The following GRIK2 variants were observed in gnomAD, a reference collection of about 807,000 sequenced individuals.
GRIK2 encodes the protein glutamate receptor ionotropic, kainate 2.
GRIK2 carries 32 observed loss-of-function variants against 100.3 expected under a neutral mutation model. The observed-to-expected ratio is 0.32, with a 90% CI of 0.24 to 0.43. The LOEUF (loss-of-function observed/expected upper bound fraction) is 0.43, where lower values mean the gene tolerates loss of function less well. GRIK2 is among the 20% of genes least tolerant of loss of function. The pLI is 1.00. For synonymous variants in GRIK2, 417 were observed against 389.4 expected (o/e 1.07, Z -0.83); for missense variants, 843 against 1,114.9 (o/e 0.76, Z 3.47).
In GRIK2 at chr6:101,826,777, T is replaced by C. The variant is rs117101216; in HGVS notation, c.1317+8294T>C. ...AACCAACTGAAGGAATTTAATAGCA[T>C]ACCATTTAAAAAAAATGACGTTTTT... On this transcript the variant is annotated intron_variant, in intron 10 of 16. Transcript: ENST00000369134. 7.7e-3 allele frequency among the ~76,000 whole-genome samples: 1,165 copies of C among 151,528 alleles called. 7 individuals are homozygous for C. Among genetic ancestry groups the C allele is most frequent in the Non-Finnish European group, 9.7e-3 (659 of 67,670 alleles).
At chr6:101,450,582 A>C (rs1770619222) in intron 2 of GRIK2, among the ~76,000 whole-genome samples, 1 of 151,612 alleles carries the variant, frequency 6.6e-6, no homozygotes, top group African/African-American at 2.4e-5. Flanking sequence ...GAGAACATGT[A>C]TTTTGCAAGT....
rs1772127344 is a variant in GRIK2 at position 102,068,483 on chromosome 6, G to A, written c.2699G>A (p.Arg900Lys). ...VINMHTFNDRRLPGKETMA is the reference protein window; with the variant it reads ...VINMHTFNDRKLPGKETMA Reference sequence around the variant, plus strand: ...AACATGCACACATTTAACGACAGAAGGTTGCCAGGTAAAGAAACCATGGCA... The same window carrying A: ...AACATGCACACATTTAACGACAGAAAGTTGCCAGGTAAAGAAACCATGGCA... The change falls in exon 17 of 17, where the codon AGG becomes AAG. Residue 900 changes from arginine to lysine, a missense_variant. Physicochemically the swap from Arg to Lys is conservative, Grantham distance 26. Transcript: ENST00000369134. 6.2e-7 allele frequency: 1 copy of A among 1,611,632 alleles called. No individual in the cohort carries two copies.
intron 7 of GRIK2, among the ~76,000 whole-genome samples, chr6:101,761,308 G>A (rs1777647522): frequency 6.6e-6 from 1 of 152,124 alleles, no homozygotes; most frequent in South Asian, 2.1e-4. Context: ...GGGAAAGCAA[G>A]AACACTTAAG....
chr6:101,718,327 A>G (rs2128363303), intron 7 of GRIK2, among the ~76,000 whole-genome samples: 1 of 152,002 alleles, frequency 6.6e-6, no homozygotes, highest in African/African-American at 2.4e-5. Flanking sequence ...TGCCAGATAC[A>G]AATTATGATG....
At chr6:101,967,060 A>G (rs1416406401) in intron 14 of GRIK2, among the ~76,000 whole-genome samples, 10 of 151,932 alleles carry the variant, frequency 6.6e-5, no homozygotes, top group Admixed American at 6.6e-4. Context: ...TATAGTTGAA[A>G]TAAAAAGATT....
At chr6:101,691,356 A>G (rs955056128) in intron 7 of GRIK2, among the ~76,000 whole-genome samples, 12 of 151,242 alleles carry the variant, frequency 7.9e-5, no homozygotes, top group Admixed American at 4.6e-4. Flanking sequence ...CTGGAGTGCA[A>G]TGACAGTCTC....
chr6:101,511,142 T>G (rs565495767), intron 2 of GRIK2, among the ~76,000 whole-genome samples: 1 of 152,290 alleles, frequency 6.6e-6, no homozygotes, highest in Non-Finnish European at 1.5e-5. Context: ...TTAAGTAGCT[T>G]ACAACAAAAT....
chr6:101,679,584 A>ACCAG (rs1234737645), intron 5 of GRIK2, among the ~76,000 whole-genome samples: 1 of 152,180 alleles, frequency 6.6e-6, no homozygotes, highest in East Asian at 1.9e-4. Context: ...AAGACATGCT[A>ACCAG]TAATTAAAAC....
rs1213458153 is a variant in GRIK2, at chr6:101,595,714, G to GTATATATA, written c.116-26234_116-26233insATATATAT. Among the ~76,000 whole-genome samples, 114 of 129,626 alleles carry GTATATATA rather than the reference G, an allele frequency of 8.8e-4. 1 individual carries two copies. Among genetic ancestry groups the GTATATATA allele is most frequent in the Middle Eastern group, 7.9e-3 (2 of 254 alleles). The allele number at this position is 129,626 out of a possible 152,430, so 85.0% of individuals were successfully genotyped here. On this transcript the variant is annotated intron_variant, in intron 2 of 16. Coordinates refer to ENST00000369134, the MANE Select transcript of GRIK2 (RefSeq NM_021956.5). ...TATATATATATGTGTGTGTGTGTGT[G>GTATATATA]TGTGTATATATATATATATATATAT...
intron 2 of GRIK2, among the ~76,000 whole-genome samples, chr6:101,537,063 A>G (rs1775735122): frequency 6.6e-6 from 1 of 151,714 alleles, no homozygotes; most frequent in Admixed American, 6.6e-5. Context: ...AATGTTTAGT[A>G]TATTATTCTA....
chr6:101,429,041 C>G (rs1769228351), intron 2 of GRIK2, among the ~76,000 whole-genome samples: 1 of 152,230 alleles, frequency 6.6e-6, no homozygotes, highest in African/African-American at 2.4e-5. Context: ...GCACCTCAAC[C>G]TGAGTCCAAC....
At chr6:101,488,092 A>T (rs528168654) in intron 2 of GRIK2, among the ~76,000 whole-genome samples, 1 of 146,880 alleles carries the variant, frequency 6.8e-6, no homozygotes, top group South Asian at 2.1e-4. Context: ...AGTAGACATG[A>T]TCAAGTCTTA....
At position 102,055,566 on chromosome 6, in the gene GRIK2, G is replaced by A. The variant is rs778896944; in HGVS notation, c.2548G>A (p.Ala850Thr). The change falls in exon 16 of 17, where the codon GCT becomes ACT. Residue 850 changes from alanine (A) to threonine (T), a missense_variant. Ala to Thr is a moderately conservative substitution (Grantham distance 58). Transcript: ENST00000369134. ...GEFLYKSKKN[A>T]QLEKRSFCSA... The stretch of plus-strand genomic sequence containing the variant: ...ATTTTTATACAAATCCAAAAAAAAC[G>A]CTCAATTGGAAAAGGTAAATGTTAC... The A allele has an allele frequency of 4.0e-5, 64 of 1,605,032 alleles. 1 individual carries two copies. The highest frequency in any genetic ancestry group is 4.9e-5 in the Non-Finnish European group (58 of 1,172,142).
At chr6:101,670,265 T>G (rs1273076348) in intron 4 of GRIK2, among the ~76,000 whole-genome samples, 1 of 152,086 alleles carries the variant, frequency 6.6e-6, no homozygotes, top group East Asian at 1.9e-4. Context: ...AAAATATATG[T>G]GGAATGAATG....
At chr6:101,854,642 T>C (rs991063327) in intron 10 of GRIK2, among the ~76,000 whole-genome samples, 21 of 152,196 alleles carry the variant, frequency 1.4e-4, no homozygotes, top group Admixed American at 3.9e-4. Context: ...AGCTGATTTT[T>C]GCCAGGATTT....
At position 101,490,873 on chromosome 6, in the gene GRIK2, T is replaced by C. The variant is rs1353328620; in HGVS notation, c.115+91481T>C. Among the ~76,000 whole-genome samples, 7 of 146,666 alleles carry C rather than the reference T, an allele frequency of 4.8e-5. 1 individual carries two copies. The highest frequency in any genetic ancestry group is 1.8e-4 in the African/African-American group (7 of 38,414). On this transcript the variant is annotated intron_variant, in intron 2 of 16. Transcript: ENST00000369134. ...TCACATGAAATTCTTTTTGAATCTT[T>C]ATTTTCATTTCTGGTAATAAGGCAA...
intron 2 of GRIK2, among the ~76,000 whole-genome samples, chr6:101,450,154 A>G (rs541805546): frequency 1.3e-5 from 2 of 151,744 alleles, no homozygotes; most frequent in Non-Finnish European, 3.0e-5. Context: ...CTTCTATCAT[A>G]GATAGCAAGA....
intron 2 of GRIK2, among the ~76,000 whole-genome samples, chr6:101,526,574 A>T (rs2128283234): frequency 6.6e-6 from 1 of 152,288 alleles, no homozygotes; most frequent in Admixed American, 6.5e-5. Context: ...CTAATTTTCT[A>T]ACTTCAGTTG....
intron 7 of GRIK2, among the ~76,000 whole-genome samples, chr6:101,702,719 G>A (rs1226431127): frequency 6.6e-6 from 1 of 151,792 alleles, no homozygotes; most frequent in Non-Finnish European, 1.5e-5. Context: ...TTAGGTGTGG[G>A]GAAGGCCCTT....
Sources: allele counts gnomAD v4.1 joint callset (sites outside exome capture counted in the v4.1 genomes callset), GRCh38; gene constraint gnomAD v4.1.1; transcripts MANE v1.5; gene names NCBI Gene and HGNC (gene_info 2026-07-23, HGNC 2026-07-21).